JAK1: variants seen among roughly 807,000 people sequenced by gnomAD.
JAK1 encodes the protein tyrosine-protein kinase JAK1.
In JAK1, 16 loss-of-function variants were observed where a neutral mutation model predicts 136.6. That is an observed-to-expected ratio of 0.12 (90% CI 0.08 to 0.18). JAK1 has a LOEUF of 0.18. Ranked by LOEUF, JAK1 falls within the 10% of genes least tolerant of loss-of-function variation. The pLI is 1.00. For synonymous variants in JAK1, 492 were observed against 519.5 expected, an observed-to-expected ratio of 0.95 and a Z score of 0.72; for missense variants, 859 against 1,450.1, an observed-to-expected ratio of 0.59 and a Z score of 6.62.
At chr1:64,840,228 CAGT>C (rs1462927792) in intron 19 of JAK1, among the ~76,000 whole-genome samples, 1 of 152,330 alleles carries the variant, frequency 6.6e-6, no homozygotes, top group African/African-American at 2.4e-5. Flanking sequence ...CTGACAGCGA[CAGT>C]GGTGGCCAAG....
At chr1:64,852,646 T>C (rs1051227582) in intron 11 of JAK1, among the ~76,000 whole-genome samples, 3 of 152,206 alleles carry the variant, frequency 2.0e-5, no homozygotes, top group African/African-American at 4.8e-5. Context: ...TTATGGACTA[T>C]TCTTTGCATG....
intron 2 of JAK1, among the ~76,000 whole-genome samples, chr1:65,031,719 C>T (rs984426292): frequency 6.6e-6 from 1 of 151,866 alleles, no homozygotes; most frequent in African/African-American, 2.4e-5. Flanking sequence ...GTTTAGGGGT[C>T]TCCTAACATC....
At chr1:64,990,906 C>G (rs1268616242) in intron 2 of JAK1, 4 of 116,692 alleles carry the variant, frequency 3.4e-5, no homozygotes, top group African/African-American at 1.0e-4. Context: ...GGCGACAGAG[C>G]GAGACTCCGT....
intron 1 of JAK1, among the ~76,000 whole-genome samples, chr1:64,960,987 G>C (rs1447762095): frequency 6.6e-6 from 1 of 152,074 alleles, no homozygotes; most frequent in Non-Finnish European, 1.5e-5. Flanking sequence ...TTTCACTTTT[G>C]AGTTTTGGTT....
chr1:64,953,936 A>T (rs536334114), intron 1 of JAK1, among the ~76,000 whole-genome samples: 11 of 152,130 alleles, frequency 7.2e-5, no homozygotes, highest in Non-Finnish European at 1.2e-4. Context: ...TGGCCTCCCA[A>T]TGTGCTGGGA....
intron 1 of JAK1, among the ~76,000 whole-genome samples, chr1:64,953,679 A>G (rs1209521064): frequency 1.3e-5 from 2 of 152,074 alleles, no homozygotes; most frequent in East Asian, 1.9e-4. Flanking sequence ...TATTTTTTTG[A>G]GACAGAGTCT....
intron 20 of JAK1, 163 bp downstream of exon 20, chr1:64,839,440 A>C: frequency 1.7e-6 from 1 of 589,334 alleles, no homozygotes; most frequent in South Asian, 2.7e-5. Context: ...GCAGCTGCTG[A>C]GGGATTTGAC....
chr1:65,051,250 C>G (rs1424050889), intron 1 of JAK1, among the ~76,000 whole-genome samples: 1 of 151,478 alleles, frequency 6.6e-6, no homozygotes, highest in African/African-American at 2.4e-5. Flanking sequence ...TCAATATACA[C>G]TATATATTAC....
At chr1:65,008,234 G>T (rs900486888) in intron 2 of JAK1, among the ~76,000 whole-genome samples, 10 of 152,170 alleles carry the variant, frequency 6.6e-5, no homozygotes, top group African/African-American at 1.7e-4. Flanking sequence ...AGGGGAGCAG[G>T]AAAGCAAGGA....
intron 1 of JAK1, among the ~76,000 whole-genome samples, chr1:65,063,573 G>A (rs1647906030): frequency 6.6e-6 from 1 of 152,174 alleles, no homozygotes. Context: ...GGAGGCCAAG[G>A]CGGATGGATC....
chr1:64,838,867 T>C (rs310242), intron 20 of JAK1, among the ~76,000 whole-genome samples: 138,640 of 152,148 alleles, frequency 0.91, 63,373 homozygotes, highest in East Asian at 1. Flanking sequence ...ATTATCGGGC[T>C]GGGCGCGGTG....
chr1:64,919,064 C>T lies in JAK1; in HGVS notation c.-77-32723G>A, dbSNP rs140972400. On this transcript the variant is annotated intron_variant, in intron 1 of 24. Coordinates refer to ENST00000342505, the MANE Select transcript of JAK1 (RefSeq NM_002227.4). ...TAAGTTCTAGGGTACATGTGCACAACGTGCAGGTTTGTTACATAGGTATAT... is the reference window on the plus strand; with the variant it reads ...TAAGTTCTAGGGTACATGTGCACAATGTGCAGGTTTGTTACATAGGTATAT... Among the ~76,000 whole-genome samples, 837 of 152,062 alleles carry T rather than the reference C, an allele frequency of 5.5e-3. 5 individuals carry two copies. Among genetic ancestry groups the T allele is most frequent in the African/African-American group, 0.017 (720 of 41,490 alleles).
chr1:64,842,330 CT>C (rs1429104977), intron 17 of JAK1, among the ~76,000 whole-genome samples: 3 of 151,920 alleles, frequency 2.0e-5, no homozygotes, highest in Non-Finnish European at 4.4e-5. Context: ...CTGTTTATTA[CT>C]TTAAATTTTA....
chr1:64,966,707 C>A (rs1166301636), upstream of JAK1, among the ~76,000 whole-genome samples: 1 of 151,178 alleles, frequency 6.6e-6, no homozygotes, highest in Non-Finnish European at 1.5e-5. Flanking sequence ...CCGCCCCGCC[C>A]CCATCCGGCT....
At chr1:65,036,131 G>A (rs1046722096) in intron 2 of JAK1, among the ~76,000 whole-genome samples, 1 of 152,016 alleles carries the variant, frequency 6.6e-6, no homozygotes, top group East Asian at 1.9e-4. Context: ...ATAGTGTGAT[G>A]GTCGCACAAC....
chr1:64,928,562 A>G (rs1645622458), intron 1 of JAK1, among the ~76,000 whole-genome samples: 2 of 152,164 alleles, frequency 1.3e-5, no homozygotes, highest in Non-Finnish European at 2.9e-5. Flanking sequence ...CTAACTGCTC[A>G]GCAGAGAAAA....
intron 1 of JAK1, among the ~76,000 whole-genome samples, chr1:64,900,384 A>C (rs1645086032): frequency 6.6e-6 from 1 of 152,250 alleles, no homozygotes; most frequent in African/African-American, 2.4e-5. Flanking sequence ...AGGTGTAATC[A>C]AAGGTAACAG....
At chr1:64,868,284 A>C (rs994179448) in intron 6 of JAK1, among the ~76,000 whole-genome samples, 2 of 152,158 alleles carry the variant, frequency 1.3e-5, no homozygotes, top group South Asian at 4.1e-4. Context: ...ACTGGGGGCC[A>C]AATGCGGAGA....
intron 2 of JAK1, among the ~76,000 whole-genome samples, chr1:64,983,177 G>A (rs2100701455): frequency 6.6e-6 from 1 of 152,260 alleles, no homozygotes; most frequent in East Asian, 1.9e-4. Flanking sequence ...GAGCAAATAA[G>A]TCAACAATAA....
Sources: allele counts gnomAD v4.1 joint callset (sites outside exome capture counted in the v4.1 genomes callset), GRCh38; gene constraint gnomAD v4.1.1; transcripts MANE v1.5; gene names NCBI Gene and HGNC (gene_info 2026-07-23, HGNC 2026-07-21).